Variants in ZNF267 observed in about 807,000 individuals in gnomAD.
ZNF267 encodes zinc finger protein 267.
ZNF267 carries 61 observed loss-of-function variants against 71.6 expected under a neutral mutation model. The observed-to-expected ratio is 0.85, with a 90% CI of 0.69 to 1.05. ZNF267 has a LOEUF of 1.05. Among genes scored for constraint, ZNF267 ranks in the 50% least tolerant of loss-of-function variants. The probability of loss-of-function intolerance (pLI) is 0.00; values close to 1 mark genes in which losing one functional copy is unlikely to be tolerated. For missense variants in ZNF267, 852 were observed against 870.0 expected (o/e 0.98, Z 0.26); for synonymous variants, 288 against 293.2 (o/e 0.98, Z 0.18).
chr16:31,885,995 A>T (rs575949378), intron 3 of ZNF267, among the ~76,000 whole-genome samples: 1 of 152,180 alleles, frequency 6.6e-6, no homozygotes, highest in Non-Finnish European at 1.5e-5. Context: ...GTATATAATA[A>T]ACTCTAAACT....
intron 3 of ZNF267, among the ~76,000 whole-genome samples, chr16:31,903,221 T>TC (rs1401937131): frequency 6.6e-6 from 1 of 152,232 alleles, no homozygotes; most frequent in Non-Finnish European, 1.5e-5. Context: ...GCATCAATGT[T>TC]CATCAAGGAT....
At chr16:31,896,787 A>T (rs1472862442) in intron 3 of ZNF267, among the ~76,000 whole-genome samples, 1 of 151,314 alleles carries the variant, frequency 6.6e-6, no homozygotes, top group African/African-American at 2.4e-5. Context: ...TAAATTTAGA[A>T]TTTTTTTTTC....
At chr16:31,900,744 C>G (rs2084033418) in intron 3 of ZNF267, among the ~76,000 whole-genome samples, 2 of 147,146 alleles carry the variant, frequency 1.4e-5, no homozygotes, top group African/African-American at 4.9e-5. Flanking sequence ...GTGCCCGGCC[C>G]CAAGAATTCT....
chr16:31,902,700 G>A (rs1446391283), intron 3 of ZNF267, among the ~76,000 whole-genome samples: 15 of 152,176 alleles, frequency 9.9e-5, no homozygotes, highest in African/African-American at 1.9e-4. Context: ...GGGCTGAGAC[G>A]ATGGGGTTTT....
At chr16:31,875,299 C>T in intron 1 of ZNF267, 1 of 1,289,146 alleles carries the variant, frequency 7.8e-7, no homozygotes, top group Non-Finnish European at 1.0e-6. Flanking sequence ...GAGGACCGCC[C>T]AAGGTATGGA....
At chr16:31,906,306 A>G (rs2084089611) in intron 3 of ZNF267, among the ~76,000 whole-genome samples, 1 of 152,218 alleles carries the variant, frequency 6.6e-6, no homozygotes, top group Admixed American at 6.5e-5. Context: ...TTCAAAGCTG[A>G]CAGACAGGGA....
chr16:31,906,272 T>C (rs2084089364), intron 3 of ZNF267, among the ~76,000 whole-genome samples: 1 of 152,196 alleles, frequency 6.6e-6, no homozygotes, highest in African/African-American at 2.4e-5. Flanking sequence ...TCTCAAGCTG[T>C]GTGCTGGGAG....
intron 3 of ZNF267, among the ~76,000 whole-genome samples, chr16:31,889,603 C>G (rs1047842739): frequency 2.0e-5 from 3 of 152,162 alleles, no homozygotes; most frequent in Non-Finnish European, 4.4e-5. Context: ...GTTCTGCAGT[C>G]TGTACAGAAG....
chr16:31,899,842 CAT>C (rs2084025404), intron 3 of ZNF267, among the ~76,000 whole-genome samples: 1 of 152,046 alleles, frequency 6.6e-6, no homozygotes, highest in African/African-American at 2.4e-5. Context: ...ATGATATACT[CAT>C]ATGAGTGTAT....
intron 1 of ZNF267, among the ~76,000 whole-genome samples, chr16:31,880,196 G>T (rs1596613978): frequency 6.6e-6 from 1 of 152,206 alleles, no homozygotes; most frequent in Admixed American, 6.5e-5. Flanking sequence ...CATGGACTTT[G>T]TAAAGCCCTA....
At chr16:31,905,684 C>T (rs931974230) in intron 3 of ZNF267, among the ~76,000 whole-genome samples, 6 of 152,102 alleles carry the variant, frequency 3.9e-5, no homozygotes, top group Admixed American at 2.0e-4. Flanking sequence ...GTTAGCCATT[C>T]GTCTAATTTT....
At chr16:31,886,155 TTGA>T (rs1443444729) in intron 3 of ZNF267, among the ~76,000 whole-genome samples, 7 of 152,224 alleles carry the variant, frequency 4.6e-5, no homozygotes, top group African/African-American at 1.4e-4. Flanking sequence ...AGGTTACATC[TTGA>T]TGATTTGATA....
chr16:31,875,315 A>C, intron 1 of ZNF267: 1 of 1,288,680 alleles, frequency 7.8e-7, no homozygotes, highest in South Asian at 1.2e-5. Context: ...ATGGAAATGT[A>C]GTCCCTCAGG....
intron 3 of ZNF267, among the ~76,000 whole-genome samples, chr16:31,909,535 T>A (rs1400347807): frequency 1.3e-5 from 2 of 152,248 alleles, no homozygotes; most frequent in Non-Finnish European, 2.9e-5. Context: ...TATTTGTGGC[T>A]ACTGTAAATG....
At chr16:31,892,125 G>C (rs528509116) in intron 3 of ZNF267, among the ~76,000 whole-genome samples, 1 of 152,086 alleles carries the variant, frequency 6.6e-6, no homozygotes, top group Non-Finnish European at 1.5e-5. Flanking sequence ...AAAGAAAGAG[G>C]TTTAATGGAC....
At chr16:31,911,113 T>C (rs1359349637) in intron 3 of ZNF267, among the ~76,000 whole-genome samples, 1 of 151,684 alleles carries the variant, frequency 6.6e-6, no homozygotes, top group African/African-American at 2.4e-5. Flanking sequence ...ATGTTGTGTA[T>C]CTGAAAATTA....
At chr16:31,891,123 G>A (rs1454620958) in intron 3 of ZNF267, among the ~76,000 whole-genome samples, 1 of 151,716 alleles carries the variant, frequency 6.6e-6, no homozygotes, top group Non-Finnish European at 1.5e-5. Context: ...TTTCCTAGAG[G>A]TTATCAGGAG....
intron 3 of ZNF267, chr16:31,913,590 G>A (rs1368208765): frequency 2.6e-5 from 4 of 152,180 alleles, no homozygotes; most frequent in African/African-American, 7.2e-5. Flanking sequence ...TGGGAGCCAG[G>A]TATTGAAGTC....
intron 2 of ZNF267, 62 bp downstream of exon 2, chr16:31,884,686 TC>T: frequency 6.5e-7 from 1 of 1,526,898 alleles, no homozygotes; most frequent in Admixed American, 2.0e-5. Flanking sequence ...TTTCAGAATG[TC>T]CCTTGGGATC....
Sources: gnomAD v4.1 joint callset for allele counts (sites outside exome capture counted in the v4.1 genomes callset) on GRCh38, gnomAD v4.1.1 for gene constraint, MANE v1.5 for transcripts, NCBI Gene and HGNC (gene_info 2026-07-23, HGNC 2026-07-21) for gene names.